CDH22: variants seen among roughly 807,000 people sequenced by gnomAD.
CDH22 encodes the protein cadherin-22.
Under a neutral mutation model 58.4 loss-of-function variants are expected in CDH22, and 30 were observed. The ratio of observed to expected loss-of-function variants is 0.51; its 90% CI spans 0.38 to 0.70. The LOEUF (loss-of-function observed/expected upper bound fraction) is 0.70. Among genes scored for constraint, CDH22 ranks in the 30% least tolerant of loss-of-function variants. The pLI is 0.00. For synonymous variants in CDH22, 513 were observed against 558.2 expected (o/e 0.92, Z 1.14); for missense variants, 1,014 against 1,233.9 (o/e 0.82, Z 2.67).
chr20:46,177,295 A>G (rs1490664726), intron 11 of CDH22, among the ~76,000 whole-genome samples: 2 of 152,192 alleles, frequency 1.3e-5, no homozygotes, highest in Non-Finnish European at 2.9e-5. Context: ...CAGGTGGCAT[A>G]TGGCCATTCA....
intron 7 of CDH22, among the ~76,000 whole-genome samples, chr20:46,205,258 C>G (rs1600695931): frequency 1.3e-5 from 2 of 152,172 alleles, no homozygotes; most frequent in African/African-American, 4.8e-5. Flanking sequence ...ATGGTAATGA[C>G]CATTTCTCGA....
chr20:46,184,195 T>C (rs2085809044), intron 10 of CDH22, among the ~76,000 whole-genome samples: 3 of 151,566 alleles, frequency 2.0e-5, no homozygotes, highest in African/African-American at 7.3e-5. Flanking sequence ...GCCTCCTGGG[T>C]TCAAGCAATT....
intron 2 of CDH22, among the ~76,000 whole-genome samples, chr20:46,243,981 T>C (rs568965653): frequency 6.6e-6 from 1 of 152,236 alleles, no homozygotes; most frequent in South Asian, 2.1e-4. Context: ...GTTGGGACCA[T>C]GGATTTGTGA....
At chr20:46,215,326 T>G (rs1463005524) in intron 5 of CDH22, among the ~76,000 whole-genome samples, 1 of 152,140 alleles carries the variant, frequency 6.6e-6, no homozygotes, top group African/African-American at 2.4e-5. Flanking sequence ...ATGAATAAAT[T>G]ACAGCTACCA....
Position 46,216,612 on chromosome 20 carries a change from C to T in CDH22, c.838+214G>A, listed in dbSNP as rs1197578066. On this transcript the variant is annotated intron_variant, in intron 5 of 11. Transcript: ENST00000537909. The surrounding 1 kb of genome is among the most constrained non-coding windows in gnomAD (Gnocchi z 5.3). ...TGTGTTACTTGGCTCTGTGGAGCATCGGACAGCCCTGGGGTCTTCCTTGGT... is the reference window on the plus strand; with the variant it reads ...TGTGTTACTTGGCTCTGTGGAGCATTGGACAGCCCTGGGGTCTTCCTTGGT... Among the ~76,000 whole-genome samples, 1 of 151,968 alleles carries T rather than the reference C, an allele frequency of 6.6e-6. No individual in the cohort carries two copies. Among genetic ancestry groups the T allele is most frequent in the Non-Finnish European group, 1.5e-5 (1 of 67,994 alleles).
intron 7 of CDH22, among the ~76,000 whole-genome samples, chr20:46,202,112 GT>G (rs917790460): frequency 2.2e-4 from 33 of 152,268 alleles, no homozygotes; most frequent in African/African-American, 7.5e-4. Flanking sequence ...AAGTATGGTT[GT>G]GCAGGTTGTG....
chr20:46,277,010 C>T (rs962193306), intron 1 of CDH22, among the ~76,000 whole-genome samples: 7 of 152,172 alleles, frequency 4.6e-5, no homozygotes, highest in African/African-American at 1.2e-4. Context: ...AGGCCCAGGC[C>T]GGGTGCAGTG....
At chr20:46,249,619 G>T (rs938470530) in intron 2 of CDH22, among the ~76,000 whole-genome samples, 2 of 152,052 alleles carry the variant, frequency 1.3e-5, no homozygotes, top group Non-Finnish European at 2.9e-5. Context: ...ACTGCCTCCC[G>T]GTTCCCACAC....
intron 8 of CDH22, among the ~76,000 whole-genome samples, chr20:46,195,291 G>A (rs2085890727): frequency 6.6e-6 from 1 of 152,230 alleles, no homozygotes; most frequent in Admixed American, 6.5e-5. Flanking sequence ...TGTGCTGCAG[G>A]TATAGACTGG....
At chr20:46,304,221 T>C (rs2086664869) in intron 1 of CDH22, among the ~76,000 whole-genome samples, 2 of 152,270 alleles carry the variant, frequency 1.3e-5, no homozygotes, top group Admixed American at 6.5e-5. Flanking sequence ...GCTGAGATCA[T>C]GTGCAAAACC....
intron 8 of CDH22, among the ~76,000 whole-genome samples, chr20:46,192,620 G>A (rs2085869298): frequency 6.6e-6 from 1 of 151,954 alleles, no homozygotes; most frequent in South Asian, 2.1e-4. Flanking sequence ...TCAGCTCAAA[G>A]AAAGTGCCTT....
intron 2 of CDH22, among the ~76,000 whole-genome samples, chr20:46,248,992 G>T (rs1270477169): frequency 6.6e-6 from 1 of 152,182 alleles, no homozygotes. Flanking sequence ...TACTTTATAT[G>T]GGAATAATAA....
chr20:46,277,644 G>A (rs556903954), intron 1 of CDH22, among the ~76,000 whole-genome samples: 26 of 152,200 alleles, frequency 1.7e-4, no homozygotes, highest in African/African-American at 5.8e-4. Flanking sequence ...AAATCAGAGG[G>A]GGGTGAGTTT....
At chr20:46,179,069 T>C (rs1210120129) in intron 10 of CDH22, among the ~76,000 whole-genome samples, 1 of 152,218 alleles carries the variant, frequency 6.6e-6, no homozygotes, top group African/African-American at 2.4e-5. Context: ...AGGTGACAGG[T>C]GGCACCCCCT....
intron 3 of CDH22, among the ~76,000 whole-genome samples, chr20:46,236,565 A>ATATATATTATATATAAATATAATATAT (rs2086253803): frequency 1.4e-5 from 2 of 138,352 alleles, no homozygotes; most frequent in Non-Finnish European, 3.1e-5. Context: ...ATAAAAATAA[A>ATATATATTATATATAAATATAATATAT]TATATATTAT....
At chr20:46,250,868 G>A (rs923839050) in intron 2 of CDH22, among the ~76,000 whole-genome samples, 172 bp downstream of exon 2, 3 of 152,202 alleles carry the variant, frequency 2.0e-5, no homozygotes, top group African/African-American at 7.2e-5. Context: ...GGCATGGGGC[G>A]GAGTGGGAGT....
At chr20:46,186,306 C>T (rs2085824780) in intron 10 of CDH22, among the ~76,000 whole-genome samples, 1 of 151,984 alleles carries the variant, frequency 6.6e-6, no homozygotes, top group Admixed American at 6.6e-5. Flanking sequence ...GGGCTCTTTC[C>T]ACCCTGGACT....
chr20:46,184,105 T>G (rs76960056), intron 10 of CDH22, among the ~76,000 whole-genome samples: 1 of 120,630 alleles, frequency 8.3e-6, no homozygotes, highest in Non-Finnish European at 2.0e-5. Context: ...CTCTCTCTCT[T>G]TTTTTTTTTT....
rs1472679934 is a variant in CDH22, at chr20:46,210,754, C to T, written c.1033-194G>A. On this transcript the variant is annotated intron_variant, in intron 6 of 11. Transcript: ENST00000537909. This position sits in a 1 kb window ranked among gnomAD's most constrained non-coding sequence, Gnocchi z 4.5. The stretch of plus-strand genomic sequence containing the variant: ...GGTTACGGGTGGAGAAACTGAGGAT[C>T]CTCGAGGACAGTCTTGCCTAAGGAC... Among the ~76,000 whole-genome samples the T allele has an allele frequency of 1.3e-5, 2 of 152,154 alleles. No individual in the cohort carries two copies. The highest frequency in any genetic ancestry group is 3.9e-4 in the East Asian group (2 of 5,192).
Sources: allele counts gnomAD v4.1 joint callset (sites outside exome capture counted in the v4.1 genomes callset), GRCh38; gene constraint gnomAD v4.1.1; non-coding constraint Gnocchi (gnomAD v3.1); transcripts MANE v1.5; gene names NCBI Gene and HGNC (gene_info 2026-07-23, HGNC 2026-07-21).